LMBRD1: variants seen among roughly 807,000 people sequenced by gnomAD.
The protein encoded by LMBRD1 is lysosomal cobalamin transport escort protein LMBD1.
In LMBRD1, 64 loss-of-function variants were observed where a neutral mutation model predicts 74.8. The ratio of observed to expected loss-of-function variants is 0.86; its 90% CI spans 0.70 to 1.05. The LOEUF (loss-of-function observed/expected upper bound fraction) is 1.05. Ranked by LOEUF, LMBRD1 falls within the 50% of genes least tolerant of loss-of-function variation. The pLI is 0.00. For missense variants in LMBRD1, 652 were observed against 645.9 expected (o/e 1.01, Z -0.10); for synonymous variants, 204 against 216.3 (o/e 0.94, Z 0.50).
chr6:69,780,162 G>T (rs994416279), intron 3 of LMBRD1, among the ~76,000 whole-genome samples: 2 of 142,236 alleles, frequency 1.4e-5, no homozygotes, highest in African/African-American at 5.3e-5. Context: ...TGGATGACAT[G>T]CCTGGTCAAA....
chr6:69,712,815 C>A (rs1256314227), intron 9 of LMBRD1, among the ~76,000 whole-genome samples: 1 of 152,004 alleles, frequency 6.6e-6, no homozygotes, highest in African/African-American at 2.4e-5. Flanking sequence ...CTACAGTCAA[C>A]AATAATATGT....
At chr6:69,758,732 CAG>C (rs1265831704) in intron 3 of LMBRD1, among the ~76,000 whole-genome samples, 1 of 152,120 alleles carries the variant, frequency 6.6e-6, no homozygotes, top group Non-Finnish European at 1.5e-5. Context: ...ATTCCTGAAA[CAG>C]AATTTGGTAC....
chr6:69,755,607 A>AAAAT (rs1765251923), intron 3 of LMBRD1, among the ~76,000 whole-genome samples: 1 of 151,026 alleles, frequency 6.6e-6, no homozygotes, highest in African/African-American at 2.4e-5. Flanking sequence ...AAAAAAAAAA[A>AAAAT]TTGTTAACAG....
At chr6:69,774,490 C>A (rs1407986023) in intron 3 of LMBRD1, among the ~76,000 whole-genome samples, 1 of 152,164 alleles carries the variant, frequency 6.6e-6, no homozygotes. Flanking sequence ...TTACCCCCGC[C>A]TTTCATTAAT....
rs541372354 is a variant in LMBRD1, at chr6:69,781,718, T to A, written c.247-1164A>T. Among the ~76,000 whole-genome samples the A allele has an allele frequency of 1.4e-4, 21 of 152,266 alleles. No individual in the cohort carries two copies. In the South Asian group the frequency reaches 3.9e-3, roughly 29 times the overall value. On this transcript the variant is annotated intron_variant, in intron 2 of 15. Transcript: ENST00000649934. ...ACCCTTAATAGGCCAAATAGAAACA[T>A]TTATGTTAACCATATAAAAAATAAA...
chr6:69,726,099 T>C (rs1450899159), intron 7 of LMBRD1, among the ~76,000 whole-genome samples: 2 of 152,090 alleles, frequency 1.3e-5, no homozygotes, highest in South Asian at 2.1e-4. Context: ...TTTCTTAAAA[T>C]AGACATACAA....
intron 7 of LMBRD1, among the ~76,000 whole-genome samples, chr6:69,724,317 A>G (rs1766678559): frequency 7.0e-6 from 1 of 142,778 alleles, no homozygotes; most frequent in African/African-American, 2.6e-5. Flanking sequence ...TTCATTCTAT[A>G]AGACCCTGAT....
At chr6:69,738,851 A>T (rs1280536012) in intron 6 of LMBRD1, among the ~76,000 whole-genome samples, 1 of 152,114 alleles carries the variant, frequency 6.6e-6, no homozygotes, top group African/African-American at 2.4e-5. Flanking sequence ...TCAAATACAA[A>T]GTTTTGATTA....
chr6:69,683,689 T>C (rs927568524), intron 14 of LMBRD1, among the ~76,000 whole-genome samples: 4 of 150,646 alleles, frequency 2.7e-5, no homozygotes, highest in African/African-American at 9.9e-5. Context: ...AGCTTACTGG[T>C]TCAAGATAAC....
intron 5 of LMBRD1, among the ~76,000 whole-genome samples, chr6:69,743,903 C>A (rs955628437): frequency 6.6e-6 from 1 of 152,084 alleles, no homozygotes; most frequent in African/African-American, 2.4e-5. Context: ...GCATGTCAAC[C>A]TTTTAACCAC....
chr6:69,786,499 C>A, intron 2 of LMBRD1, among the ~76,000 whole-genome samples: 1 of 147,626 alleles, frequency 6.8e-6, no homozygotes. Context: ...TTTTTTTTTA[C>A]TATTGGATCA....
chr6:69,755,539 G>A lies in LMBRD1; in HGVS notation c.308-3183C>T, dbSNP rs555792879. 6.8e-5 allele frequency among the ~76,000 whole-genome samples: 10 copies of A among 147,040 alleles called. No homozygotes were observed. The South Asian group carries it at 8.6e-4, about 13-fold the overall frequency. ...GGTGCGGCAAACCACCATGGCACAC[G>A]TATACCTATGTAACAAACCTGTACA... On this transcript the variant is annotated intron_variant, in intron 3 of 15. Transcript: ENST00000649934.
intron 9 of LMBRD1, among the ~76,000 whole-genome samples, chr6:69,709,822 T>C (rs1250024757): frequency 6.6e-6 from 1 of 152,150 alleles, no homozygotes; most frequent in East Asian, 1.9e-4. Flanking sequence ...TACTTAGAGG[T>C]AAATTTATCA....
intron 2 of LMBRD1, 91 bp downstream of exon 2, chr6:69,790,205 G>A: frequency 2.3e-6 from 2 of 851,652 alleles, no homozygotes; most frequent in Non-Finnish European, 3.9e-6. Flanking sequence ...TTCATTCCCA[G>A]ATACAAAAAT....
chr6:69,725,471 C>T (rs1213534548), intron 7 of LMBRD1, among the ~76,000 whole-genome samples: 2 of 151,904 alleles, frequency 1.3e-5, no homozygotes, highest in African/African-American at 4.8e-5. Context: ...ATCATATTAC[C>T]TGACTTTAAA....
intron 2 of LMBRD1, among the ~76,000 whole-genome samples, chr6:69,780,760 A>G (rs1765815997): frequency 1.3e-5 from 2 of 152,222 alleles, no homozygotes; most frequent in Non-Finnish European, 2.9e-5. Context: ...CTGGGAAAAC[A>G]CAGACAAAAG....
intron 1 of LMBRD1, among the ~76,000 whole-genome samples, chr6:69,791,495 A>G (rs1333056387): frequency 2.0e-5 from 3 of 152,226 alleles, no homozygotes; most frequent in Non-Finnish European, 4.4e-5. Context: ...TCCTCCAGGC[A>G]TCAGTACTTT....
At chr6:69,754,451 A>G (rs567342434) in intron 3 of LMBRD1, among the ~76,000 whole-genome samples, 2 of 152,350 alleles carry the variant, frequency 1.3e-5, no homozygotes, top group Non-Finnish European at 2.9e-5. Context: ...AATACAGATA[A>G]AAGAAACTCA....
Position 69,775,012 on chromosome 6 carries a change from AGGGAGGGAGGGAGGGAGGGAG to A in LMBRD1, c.307+5461_307+5481del, listed in dbSNP as rs1562121837. On this transcript the variant is annotated intron_variant, in intron 3 of 15. Transcript: ENST00000649934. ...AAGGGAGGGAGGGAGGGAGGGAGGG[AGGGAGGGAGGGAGGGAGGGAG>A]GGAAGGAAGGAAAAGATGAAGAACT... Among the ~76,000 whole-genome samples the A allele has an allele frequency of 1.3e-3, 64 of 51,130 alleles. 6 individuals are homozygous for A. The highest frequency in any genetic ancestry group is 2.1e-3 in the African/African-American group (35 of 17,040). 33.5% of individuals were successfully genotyped at this position (51,130 alleles called of 152,430 possible).
Sources: gnomAD v4.1 joint callset for allele counts (sites outside exome capture counted in the v4.1 genomes callset) on GRCh38, gnomAD v4.1.1 for gene constraint, MANE v1.5 for transcripts, NCBI Gene and HGNC (gene_info 2026-07-23, HGNC 2026-07-21) for gene names.